The following ADAMTS3 variants were observed in gnomAD, a reference collection of about 807,000 sequenced individuals.
ADAMTS3 encodes the protein ADAM metallopeptidase with thrombospondin type 1 motif 3, also known as A disintegrin and metalloproteinase with thrombospondin motifs 3.
ADAMTS3 carries 73 observed loss-of-function variants against 129.0 expected under a neutral mutation model. That is an observed-to-expected ratio of 0.57 (90% confidence interval 0.47 to 0.69). The LOEUF (loss-of-function observed/expected upper bound fraction) is 0.69. Among genes scored for constraint, ADAMTS3 ranks in the 30% least tolerant of loss-of-function variants. The pLI, the probability that ADAMTS3 is intolerant of heterozygous loss-of-function variation, is 0.00. For missense variants in ADAMTS3, 1,457 were observed against 1,514.5 expected (o/e 0.96, Z 0.63); for synonymous variants, 477 against 510.8 (o/e 0.93, Z 0.89).
At chr4:72,412,273 T>C (rs1722202652) in intron 4 of ADAMTS3, among the ~76,000 whole-genome samples, 1 of 152,070 alleles carries the variant, frequency 6.6e-6, no homozygotes, top group Non-Finnish European at 1.5e-5. Flanking sequence ...CTCATATGTT[T>C]CCTAAAATAA....
chr4:72,525,819 A>C (rs1578762115), intron 3 of ADAMTS3, among the ~76,000 whole-genome samples: 1 of 152,164 alleles, frequency 6.6e-6, no homozygotes, highest in Non-Finnish European at 1.5e-5. Context: ...CTTATAACTA[A>C]AGAGTGTGAT....
chr4:72,556,420 C>T (rs938170205), intron 2 of ADAMTS3, among the ~76,000 whole-genome samples: 1 of 151,712 alleles, frequency 6.6e-6, no homozygotes, highest in Non-Finnish European at 1.5e-5. Flanking sequence ...CACTATAGAA[C>T]TGTAAAAGAA....
At chr4:72,354,064 A>G (rs952997451) in intron 4 of ADAMTS3, among the ~76,000 whole-genome samples, 6 of 152,074 alleles carry the variant, frequency 3.9e-5, no homozygotes, top group African/African-American at 1.4e-4. Context: ...GATGTGGATA[A>G]GACGGGATAA....
chr4:72,364,201 C>A lies in ADAMTS3; in HGVS notation c.662-24508G>T, dbSNP rs535343889. ...AAACACAGAACCATGCATGCATGTA[C>A]ATGTACACACACGCACAAACACACA... is the stretch of plus-strand genomic sequence containing the variant. On this transcript the variant is annotated intron_variant, in intron 4 of 21. Coordinates refer to ENST00000286657, the MANE Select transcript of ADAMTS3 (RefSeq NM_014243.3). Among the ~76,000 whole-genome samples, 66 of 151,618 alleles carry A rather than the reference C, an allele frequency of 4.4e-4. No individual in the cohort carries two copies. In the Middle Eastern group the frequency reaches 0.01, roughly 23 times the overall value.
intron 3 of ADAMTS3, among the ~76,000 whole-genome samples, chr4:72,422,482 A>T (rs1722471660): frequency 6.6e-6 from 1 of 152,120 alleles, no homozygotes; most frequent in Non-Finnish European, 1.5e-5. Flanking sequence ...ATTATGTTAA[A>T]CATATTTTAT....
At position 72,515,738 on chromosome 4, in the gene ADAMTS3, C is replaced by A. The variant is rs571307796; in HGVS notation, c.504+32740G>T. On this transcript the variant is annotated intron_variant, in intron 3 of 21. Coordinates refer to ENST00000286657, the MANE Select transcript of ADAMTS3 (RefSeq NM_014243.3). ...TTCATTGTAGATTCTGGATATTAGC[C>A]CTTTGTCAGATGAGTAGGTTGCGAA... Among the ~76,000 whole-genome samples the A allele has an allele frequency of 6.6e-5, 10 of 151,576 alleles. No homozygotes were observed. In the East Asian group the frequency reaches 1.9e-3, roughly 30 times the overall value.
chr4:72,339,198 A>G (rs530784466), intron 5 of ADAMTS3, among the ~76,000 whole-genome samples: 1 of 152,314 alleles, frequency 6.6e-6, no homozygotes, highest in Non-Finnish European at 1.5e-5. Flanking sequence ...CCAGAACAAA[A>G]TAAAAATTAC....
rs1175697362 is a variant in ADAMTS3, at chr4:72,455,898, AGTATATACACT to A, written c.505-40938_505-40928del. On this transcript the variant is annotated intron_variant, in intron 3 of 21. Coordinates refer to ENST00000286657, the MANE Select transcript of ADAMTS3 (RefSeq NM_014243.3). Reference sequence around the variant, plus strand: ...TATATACTATATATATTTTATATATAGTATATACACTGTATATATACTATATATATTTTATA... The same window carrying A: ...TATATACTATATATATTTTATATATAGTATATATACTATATATATTTTATA... Among the ~76,000 whole-genome samples, 337 of 113,034 alleles carry A rather than the reference AGTATATACACT, an allele frequency of 3.0e-3. 5 individuals are homozygous for A. Among genetic ancestry groups the A allele is most frequent in the African/African-American group, 0.012 (312 of 26,162 alleles). The allele number at this position is 113,034 out of a possible 152,430, so 74.2% of individuals were successfully genotyped here.
At chr4:72,506,505 T>C (rs1279455473) in intron 3 of ADAMTS3, among the ~76,000 whole-genome samples, 1 of 152,184 alleles carries the variant, frequency 6.6e-6, no homozygotes, top group African/African-American at 2.4e-5. Flanking sequence ...AAGACTAAAA[T>C]GCCTACATGT....
At chr4:72,474,684 A>C (rs1275591802) in intron 3 of ADAMTS3, among the ~76,000 whole-genome samples, 1 of 152,212 alleles carries the variant, frequency 6.6e-6, no homozygotes, top group African/African-American at 2.4e-5. Flanking sequence ...TAGAGTAACC[A>C]CCAGAAACTA....
chr4:72,529,132 T>G lies in ADAMTS3; in HGVS notation c.504+19346A>C, dbSNP rs72853085. On this transcript the variant is annotated intron_variant, in intron 3 of 21. Coordinates refer to ENST00000286657, the MANE Select transcript of ADAMTS3 (RefSeq NM_014243.3). Reference sequence around the variant, plus strand: ...ATAAAAGTCCAGAAAAGAATATTCTTACAGAAGAAAAGCTGATCCAAAAGG... The same window carrying G: ...ATAAAAGTCCAGAAAAGAATATTCTGACAGAAGAAAAGCTGATCCAAAAGG... Among the ~76,000 whole-genome samples the G allele has an allele frequency of 6.2e-3, 942 of 152,230 alleles. 17 individuals are homozygous for G. The highest frequency in any genetic ancestry group is 0.022 in the African/African-American group (894 of 41,542).
intron 3 of ADAMTS3, among the ~76,000 whole-genome samples, chr4:72,453,063 A>G (rs1381781163): frequency 6.6e-6 from 1 of 151,806 alleles, no homozygotes. Context: ...GAATCCTACT[A>G]TACTAGAAAC....
intron 4 of ADAMTS3, among the ~76,000 whole-genome samples, chr4:72,347,740 C>A (rs1463188289): frequency 6.6e-6 from 1 of 151,736 alleles, no homozygotes; most frequent in Non-Finnish European, 1.5e-5. Flanking sequence ...TCTACTAAAT[C>A]AAGGAGGTAA....
intron 4 of ADAMTS3, among the ~76,000 whole-genome samples, chr4:72,393,867 T>C (rs1721662524): frequency 6.6e-6 from 1 of 152,212 alleles, no homozygotes; most frequent in Non-Finnish European, 1.5e-5. Context: ...GCACAAACCA[T>C]GTATTGAATT....
intron 3 of ADAMTS3, among the ~76,000 whole-genome samples, chr4:72,541,688 T>C (rs569023604): frequency 5.3e-5 from 8 of 152,206 alleles, no homozygotes; most frequent in African/African-American, 1.9e-4. Context: ...ATATGTCTCA[T>C]GAGATCTGAT....
intron 3 of ADAMTS3, among the ~76,000 whole-genome samples, chr4:72,497,393 G>T (rs973757466): frequency 6.6e-6 from 1 of 151,748 alleles, no homozygotes; most frequent in Non-Finnish European, 1.5e-5. Context: ...CTGTTCTACA[G>T]AATGTAACTA....
chr4:72,341,534 C>T (rs1052350135), intron 4 of ADAMTS3, among the ~76,000 whole-genome samples: 42 of 152,192 alleles, frequency 2.8e-4, no homozygotes, highest in Non-Finnish European at 5.0e-4. Context: ...ATGTGAAAGG[C>T]TGTGATAGCT....
chr4:72,558,564 T>C (rs1721824132), intron 2 of ADAMTS3, among the ~76,000 whole-genome samples: 1 of 151,780 alleles, frequency 6.6e-6, no homozygotes, highest in South Asian at 2.1e-4. Context: ...CCCTTTGGCA[T>C]GTAACATAAC....
chr4:72,430,837 A>AG (rs1413805271), intron 3 of ADAMTS3, among the ~76,000 whole-genome samples: 2 of 151,444 alleles, frequency 1.3e-5, no homozygotes, highest in Non-Finnish European at 2.9e-5. Context: ...TAAAAAAAAA[A>AG]AAACTCAAGG....
Sources: gnomAD v4.1 joint callset for allele counts (sites outside exome capture counted in the v4.1 genomes callset) on GRCh38, gnomAD v4.1.1 for gene constraint, MANE v1.5 for transcripts, NCBI Gene and HGNC (gene_info 2026-07-23, HGNC 2026-07-21) for gene names.